The following OTOP2 variants were observed in gnomAD, a reference collection of about 807,000 sequenced individuals.
OTOP2 encodes the protein proton channel OTOP2.
In OTOP2, 41 loss-of-function variants were observed where a neutral mutation model predicts 47.4. The ratio of observed to expected loss-of-function variants is 0.87; its 90% CI spans 0.67 to 1.12. The LOEUF (loss-of-function observed/expected upper bound fraction) is 1.12. Among genes scored for constraint, OTOP2 ranks in the 50% most tolerant of loss-of-function variants. OTOP2 has a pLI of 0.00. For synonymous variants in OTOP2, 328 were observed against 319.6 expected (o/e 1.03, Z -0.28); for missense variants, 721 against 752.2 (o/e 0.96, Z 0.49).
At chr17:74,925,338 TAC>T (rs947969270) in intron 2 of OTOP2, among the ~76,000 whole-genome samples, 2 of 151,950 alleles carry the variant, frequency 1.3e-5, no homozygotes, top group African/African-American at 4.8e-5. Flanking sequence ...CACTCAGTCA[TAC>T]ACTCACCCTT....
chr17:74,926,606 A>G (rs900149857), intron 3 of OTOP2, among the ~76,000 whole-genome samples: 1 of 151,844 alleles, frequency 6.6e-6, no homozygotes, highest in Admixed American at 6.6e-5. Flanking sequence ...CTTGACCCCC[A>G]TCTCCACACA....
Position 74,924,468 on chromosome 17 carries a change from C to T in OTOP2, c.-33-132C>T. 1 of 750,446 alleles carries T rather than the reference C, an allele frequency of 1.3e-6. No homozygotes were observed. The highest frequency in any genetic ancestry group is 2.0e-6 in the Non-Finnish European group (1 of 490,090). The allele number at this position is 750,446 out of a possible 1,614,324, so 46.5% of individuals were successfully genotyped here. ...TTCCGCATTTTCTCTTCCCCTTTCC[C>T]AGCGCTTCCTCCAGCACCCGAAGCC... On this transcript the variant is annotated intron_variant, in intron 1 of 6. Transcript: ENST00000331427. The surrounding 1 kb of genome is among the most constrained non-coding windows in gnomAD (Gnocchi z 7.7).
chr17:74,926,747 T>C (rs1368519578), intron 3 of OTOP2, among the ~76,000 whole-genome samples: 1 of 151,922 alleles, frequency 6.6e-6, no homozygotes, highest in Non-Finnish European at 1.5e-5. Context: ...TTTTTTTTTC[T>C]TTTTTCTTTT....
In OTOP2 at chr17:74,933,551, CCAA is replaced by C. The variant is rs1406803882; in HGVS notation, c.*9_*11del. 6.3e-7 allele frequency: 1 copy of C among 1,582,624 alleles called. No homozygotes were observed. On this transcript the variant is annotated 3_prime_UTR_variant, in exon 7 of 7. Coordinates refer to ENST00000331427, the MANE Select transcript of OTOP2 (RefSeq NM_178160.3). The surrounding 1 kb of genome is among the most constrained non-coding windows in gnomAD (Gnocchi z 4.7). The stretch of plus-strand genomic sequence containing the variant: ...AGGTCTACGTGCTGTCCTGAGGCCT[CCAA>C]CAGAGGCATGGGGGGCAGGAAGAGG...
At chr17:74,925,221 C>T (rs956439254) in intron 2 of OTOP2, among the ~76,000 whole-genome samples, 10 of 152,040 alleles carry the variant, frequency 6.6e-5, no homozygotes, top group Admixed American at 6.6e-4. Flanking sequence ...TGATGGAGAG[C>T]AGGAACCAGA....
intron 4 of OTOP2, 32 bp downstream of exon 4, chr17:74,927,313 C>A (rs570035666): frequency 2.5e-6 from 4 of 1,592,178 alleles, no homozygotes; most frequent in Non-Finnish European, 3.4e-6. Flanking sequence ...CTGTACCCAG[C>A]GTGCTGGTGT....
chr17:74,927,173 T>C (rs778357461), intron 3 of OTOP2, 50 bp from the exon 4 acceptor site: 5 of 1,525,536 alleles, frequency 3.3e-6, no homozygotes, highest in Non-Finnish European at 4.5e-6. Context: ...TGCGCTGGAG[T>C]TTTGTCCATC....
Position 74,930,928 on chromosome 17 carries a change from G to C in OTOP2, c.1293G>C (p.Gly431=). 6.2e-7 allele frequency: 1 copy of C among 1,613,974 alleles called. No individual in the cohort carries two copies. The highest frequency in any genetic ancestry group is 8.5e-7 in the Non-Finnish European group (1 of 1,179,984). ...IIESLHRGPP[G]AEPHSTHPKE... is the part of the protein sequence containing the mutation. Reference sequence around the variant, plus strand: ...AGAGCCTTCACCGAGGACCGCCCGGGGCTGAGCCTCACAGTACCCACCCCA... The same window carrying C: ...AGAGCCTTCACCGAGGACCGCCCGGCGCTGAGCCTCACAGTACCCACCCCA... Residue 431 remains glycine (G), a synonymous_variant, in exon 6 of 7, where the codon GGG becomes GGC. Coordinates refer to ENST00000331427, the MANE Select transcript of OTOP2 (RefSeq NM_178160.3). This position sits in a 1 kb window ranked among gnomAD's most constrained non-coding sequence, Gnocchi z 4.0.
Position 74,930,607 on chromosome 17 carries a change from C to G in OTOP2, c.972C>G (p.Ala324=). 6.2e-7 allele frequency: 1 copy of G among 1,613,956 alleles called. No homozygotes were observed. The highest frequency in any genetic ancestry group is 8.5e-7 in the Non-Finnish European group (1 of 1,180,008). The change falls in exon 6 of 7, where the codon GCC becomes GCG. Residue 324 remains alanine (A), a synonymous_variant. Transcript: ENST00000331427. The surrounding 1 kb of genome is among the most constrained non-coding windows in gnomAD (Gnocchi z 4.0). Reference sequence around the variant, plus strand: ...GGGACGGGAGCCGCACCAGGCAGGCCCTGGTCATCTACTACAGCTTCAACA... The same window carrying G: ...GGGACGGGAGCCGCACCAGGCAGGCGCTGGTCATCTACTACAGCTTCAACA... The part of the protein sequence containing the change: ...VSGDGSRTRQ[A]LVIYYSFNIV...
chr17:74,927,893 G>A (rs920257285), intron 5 of OTOP2, 95 bp downstream of exon 5: 45 of 1,462,158 alleles, frequency 3.1e-5, no homozygotes, highest in Middle Eastern at 2.0e-4. Context: ...CCTCATGAGG[G>A]CATAGAGGCA....
chr17:74,927,544 A>G (rs1243459849), intron 4 of OTOP2, 121 bp from the exon 5 acceptor site: 14 of 1,401,650 alleles, frequency 1.0e-5, no homozygotes, highest in Middle Eastern at 1.8e-4. Context: ...TACCAAAATC[A>G]GCTTCCCTGT....
In OTOP2 at chr17:74,924,864, C is replaced by T. The variant is rs779017155; in HGVS notation, c.232C>T (p.Leu78Phe). 1.9e-6 allele frequency: 3 copies of T among 1,605,830 alleles called. No individual in the cohort carries two copies. Among genetic ancestry groups the T allele is most frequent in the Admixed American group, 3.4e-5 (2 of 58,740 alleles). The change falls in exon 2 of 7, where the codon CTC (leucine) becomes TTC (phenylalanine). Residue 78 changes from leucine to phenylalanine, a missense_variant. Leu to Phe is a conservative substitution (Grantham distance 22). Coordinates refer to ENST00000331427, the MANE Select transcript of OTOP2 (RefSeq NM_178160.3). This position sits in a 1 kb window ranked among gnomAD's most constrained non-coding sequence, Gnocchi z 7.7. ...GATGCTGCTGGCAACGCTCTGGATC[C>T]TCTTCTACCTCCTCCGAACCGTGCG... ...AMMLLATLWI[L>F]FYLLRTVRCP... is the part of the protein sequence containing the mutation.
rs372873458 is a variant in OTOP2, at chr17:74,924,702, T to C, written c.70T>C (p.Trp24Arg). Residue 24 changes from tryptophan (W) to arginine (R), a missense_variant, in exon 2 of 7, where the codon TGG becomes CGG. Trp to Arg is a moderately radical substitution (Grantham distance 101, BLOSUM62 -3). Coordinates refer to ENST00000331427, the MANE Select transcript of OTOP2 (RefSeq NM_178160.3). The surrounding 1 kb of genome is among the most constrained non-coding windows in gnomAD (Gnocchi z 7.7). ...GCCGCGTGCGGGCCCCAGGGAGGTG[T>C]GGAAGAAGGGTGGCCGCCTGCTGTC... Reference protein sequence around the residue: ...PAPRAGPREVWKKGGRLLSVL... With the variant: ...PAPRAGPREVRKKGGRLLSVL... The C allele has an allele frequency of 3.7e-6, 6 of 1,604,026 alleles. No homozygotes were observed. The African/African-American group carries it at 8.0e-5, about 21-fold the overall frequency.
At position 74,933,518 on chromosome 17, in the gene OTOP2, C is replaced by T; in HGVS notation, c.1662C>T (p.Ser554=). Residue 554 remains serine, a synonymous_variant, in exon 7 of 7, where the codon AGC becomes AGT. Transcript: ENST00000331427. This position sits in a 1 kb window ranked among gnomAD's most constrained non-coding sequence, Gnocchi z 4.7. ...GIFYRMHAVS[S]LLEVYVLS Reference sequence around the variant, plus strand: ...TCTACCGCATGCACGCTGTGTCCAGCCTGCTGGAGGTCTACGTGCTGTCCT... The same window carrying T: ...TCTACCGCATGCACGCTGTGTCCAGTCTGCTGGAGGTCTACGTGCTGTCCT... The T allele has an allele frequency of 6.2e-7, 1 of 1,613,196 alleles. No homozygotes were observed.
chr17:74,933,567 G>A lies in OTOP2; in HGVS notation c.*22G>A, dbSNP rs79037104. Reference sequence around the variant, plus strand: ...CTGAGGCCTCCAACAGAGGCATGGGGGGCAGGAAGAGGGGGCTCAGCTCAT... The same window carrying A: ...CTGAGGCCTCCAACAGAGGCATGGGAGGCAGGAAGAGGGGGCTCAGCTCAT... On this transcript the variant is annotated 3_prime_UTR_variant, in exon 7 of 7. Transcript: ENST00000331427. This position sits in a 1 kb window ranked among gnomAD's most constrained non-coding sequence, Gnocchi z 4.7. 1.3e-6 allele frequency: 2 copies of A among 1,560,234 alleles called. No individual in the cohort carries two copies. The highest frequency in any genetic ancestry group is 2.7e-5 in the African/African-American group (2 of 74,290).
In OTOP2 at chr17:74,933,177, G is replaced by T. The variant is rs1188205639; in HGVS notation, c.1519-198G>T. 6.6e-6 allele frequency among the ~76,000 whole-genome samples: 1 copy of T among 152,154 alleles called. No homozygotes were observed. Among genetic ancestry groups the T allele is most frequent in the Non-Finnish European group, 1.5e-5 (1 of 68,024 alleles). Reference sequence around the variant, plus strand: ...GCCTAGGGATGGCGAATTCAGTTGGGCTCACTTCCTGAGCCCCTTAGAGTG... The same window carrying T: ...GCCTAGGGATGGCGAATTCAGTTGGTCTCACTTCCTGAGCCCCTTAGAGTG... On this transcript the variant is annotated intron_variant, in intron 6 of 6. Coordinates refer to ENST00000331427, the MANE Select transcript of OTOP2 (RefSeq NM_178160.3). This position sits in a 1 kb window ranked among gnomAD's most constrained non-coding sequence, Gnocchi z 4.7.
Position 74,924,872 on chromosome 17 carries a change from C to T in OTOP2, c.240C>T (p.Tyr80=). ...TGGCAACGCTCTGGATCCTCTTCTA[C>T]CTCCTCCGAACCGTGCGCTGCCCCT... is the stretch of plus-strand genomic sequence containing the variant. ...MLLATLWILF[Y]LLRTVRCPCA... Residue 80 remains tyrosine (Y), a synonymous_variant, in exon 2 of 7, where the codon TAC becomes TAT. Coordinates refer to ENST00000331427, the MANE Select transcript of OTOP2 (RefSeq NM_178160.3). The surrounding 1 kb of genome is among the most constrained non-coding windows in gnomAD (Gnocchi z 7.7). 2 of 1,603,966 alleles carry T rather than the reference C, an allele frequency of 1.2e-6. No homozygotes were observed. The highest frequency in any genetic ancestry group is 2.2e-5 in the South Asian group (2 of 89,296).
chr17:74,927,357 T>C (rs2144765182), intron 4 of OTOP2, 76 bp downstream of exon 4: 1 of 1,494,714 alleles, frequency 6.7e-7, no homozygotes. Flanking sequence ...CTTTCCACCC[T>C]GGGGCAGGGC....
rs1315430721 is a variant in OTOP2, at chr17:74,927,693, A to G, written c.538A>G (p.Asn180Asp). ...TGGTCTCATGTTCACACTCACCACC[A>G]ACCTGGCCATCTGGATGGCGGCCGT... ...WCGLMFTLTT[N>D]LAIWMAAVVD... Residue 180 changes from asparagine (N) to aspartate (D), a missense_variant, in exon 5 of 7, where the codon AAC (asparagine) becomes GAC (aspartate). Transcript: ENST00000331427. 4 of 1,613,720 alleles carry G rather than the reference A, an allele frequency of 2.5e-6. No individual in the cohort carries two copies. In the Admixed American group the frequency reaches 6.7e-5, roughly 27 times the overall value.
Sources: allele counts gnomAD v4.1 joint callset (sites outside exome capture counted in the v4.1 genomes callset), GRCh38; gene constraint gnomAD v4.1.1; non-coding constraint Gnocchi (gnomAD v3.1); transcripts MANE v1.5; gene names NCBI Gene and HGNC (gene_info 2026-07-23, HGNC 2026-07-21).